Variants in PRKN observed in about 807,000 individuals in gnomAD.
PRKN encodes parkin RBR E3 ubiquitin protein ligase, also known as E3 ubiquitin-protein ligase parkin.
A neutral mutation model predicts 59.5 loss-of-function variants in PRKN; 56 were observed. The observed-to-expected ratio is 0.94, with a 90% CI of 0.76 to 1.18. The LOEUF (loss-of-function observed/expected upper bound fraction) is 1.18. PRKN is among the 50% of genes most tolerant of loss of function. The probability of loss-of-function intolerance (pLI) is 0.00; values close to 1 mark genes in which losing one functional copy is unlikely to be tolerated. For missense variants in PRKN, 657 were observed against 596.4 expected (o/e 1.10, Z -1.06); for synonymous variants, 250 against 222.1 (o/e 1.13, Z -1.12).
chr6:161,995,039 A>G (rs1781790862), intron 5 of PRKN, among the ~76,000 whole-genome samples: 1 of 152,198 alleles, frequency 6.6e-6, no homozygotes, highest in Non-Finnish European at 1.5e-5. Flanking sequence ...ATTTCAAAAT[A>G]TTCTGCAAAG....
intron 2 of PRKN, among the ~76,000 whole-genome samples, chr6:162,397,726 C>T (rs1241090755): frequency 6.6e-6 from 1 of 152,062 alleles, no homozygotes; most frequent in Admixed American, 6.6e-5. Context: ...GGCAGAAGAG[C>T]ACACTCGGCA....
chr6:162,726,799 A>C (rs1779226322), intron 1 of PRKN, among the ~76,000 whole-genome samples: 1 of 152,206 alleles, frequency 6.6e-6, no homozygotes, highest in Admixed American at 6.5e-5. Flanking sequence ...AGAAACCTCC[A>C]CAATAATGAA....
In PRKN at chr6:161,354,157, T is replaced by G. The variant is rs545549731; in HGVS notation, c.1286-3946A>C. ...GAGAAGATATTCACGTCATTAGCTTTCTTTTCTCCCTAGGGCTTAATATAC... is the reference window on the plus strand; with the variant it reads ...GAGAAGATATTCACGTCATTAGCTTGCTTTTCTCCCTAGGGCTTAATATAC... On this transcript the variant is annotated intron_variant, in intron 11 of 11. Coordinates refer to ENST00000366898, the MANE Select transcript of PRKN (RefSeq NM_004562.3). This position sits in a 1 kb window ranked among gnomAD's most constrained non-coding sequence, Gnocchi z 6.7. 2.6e-4 allele frequency among the ~76,000 whole-genome samples: 39 copies of G among 152,292 alleles called. No individual in the cohort carries two copies. Among genetic ancestry groups the G allele is most frequent in the African/African-American group, 8.7e-4 (36 of 41,566 alleles).
At chr6:162,674,591 A>G (rs546347800) in intron 1 of PRKN, among the ~76,000 whole-genome samples, 1 of 152,308 alleles carries the variant, frequency 6.6e-6, no homozygotes, top group East Asian at 1.9e-4. Context: ...CTGTGACAGA[A>G]AACAAAATGG....
rs183663974 is a variant in PRKN at position 162,020,680 on chromosome 6, T to C, written c.618+33411A>G. On this transcript the variant is annotated intron_variant, in intron 5 of 11. Transcript: ENST00000366898. ...TTGAAATTGGGGAGTTAACAGTTAA[T>C]ATGTAGTGGAATTCAGAAATTGATT... Among the ~76,000 whole-genome samples the C allele has an allele frequency of 1.8e-4, 28 of 152,310 alleles. No homozygotes were observed. The East Asian group carries it at 4.8e-3, about 26-fold the overall frequency.
chr6:162,057,729 C>T (rs185544062), intron 4 of PRKN, among the ~76,000 whole-genome samples: 20 of 152,230 alleles, frequency 1.3e-4, no homozygotes, highest in African/African-American at 2.4e-4. Flanking sequence ...ACACTGTGTA[C>T]GACGATTAGG....
Position 161,548,740 on chromosome 6 carries a change from A to T in PRKN, c.1083+114T>A. On this transcript the variant is annotated intron_variant, in intron 9 of 11. Coordinates refer to ENST00000366898, the MANE Select transcript of PRKN (RefSeq NM_004562.3). This position sits in a 1 kb window ranked among gnomAD's most constrained non-coding sequence, Gnocchi z 4.2. ...TCTATTTTCTTATATGTAAGTTCAAAGATGTCTAAGTCCAAAGGGAAAATG... is the reference window on the plus strand; with the variant it reads ...TCTATTTTCTTATATGTAAGTTCAATGATGTCTAAGTCCAAAGGGAAAATG... 1 of 960,394 alleles carries T rather than the reference A, an allele frequency of 1.0e-6. No homozygotes were observed. Among genetic ancestry groups the T allele is most frequent in the Non-Finnish European group, 1.6e-6 (1 of 620,764 alleles). 59.5% of individuals were successfully genotyped at this position (960,394 alleles called of 1,614,324 possible).
chr6:162,424,039 A>G (rs893972527), intron 2 of PRKN, among the ~76,000 whole-genome samples: 1 of 152,198 alleles, frequency 6.6e-6, no homozygotes, highest in African/African-American at 2.4e-5. Context: ...AAACTGTGGT[A>G]CATTCCATTC....
In PRKN at chr6:161,373,249, A is replaced by G. The variant is rs1264932684; in HGVS notation, c.1168-13044T>C. On this transcript the variant is annotated intron_variant, in intron 10 of 11. Coordinates refer to ENST00000366898, the MANE Select transcript of PRKN (RefSeq NM_004562.3). This position sits in a 1 kb window ranked among gnomAD's most constrained non-coding sequence, Gnocchi z 4.8. ...CTGAGTATAGATGTTAACCACGTCT[A>G]CAAAAATACCTTCACAGCGACACCT... Among the ~76,000 whole-genome samples the G allele has an allele frequency of 6.6e-6, 1 of 152,188 alleles. No homozygotes were observed. Among genetic ancestry groups the G allele is most frequent in the African/African-American group, 2.4e-5 (1 of 41,460 alleles).
chr6:161,814,535 T>C (rs1243056521), intron 6 of PRKN, among the ~76,000 whole-genome samples: 4 of 152,066 alleles, frequency 2.6e-5, no homozygotes, highest in Admixed American at 2.0e-4. Context: ...GGAGTTTCAC[T>C]CTTGTTGCCC....
chr6:162,515,698 A>C (rs1399677650), intron 1 of PRKN, among the ~76,000 whole-genome samples: 1 of 152,166 alleles, frequency 6.6e-6, no homozygotes, highest in South Asian at 2.1e-4. Context: ...TTTTTACTTG[A>C]ATCAGCTTTC....
chr6:161,375,802 A>G (rs1785672542), intron 10 of PRKN, among the ~76,000 whole-genome samples: 1 of 152,178 alleles, frequency 6.6e-6, no homozygotes, highest in South Asian at 2.1e-4. Flanking sequence ...AGCTTTTCAC[A>G]GCGCAAGGCC....
intron 3 of PRKN, among the ~76,000 whole-genome samples, chr6:162,260,579 T>C (rs1449769720): frequency 2.0e-5 from 3 of 152,118 alleles, no homozygotes; most frequent in Non-Finnish European, 4.4e-5. Flanking sequence ...CTAAGTTCAT[T>C]CTCATAAAAG....
chr6:161,766,815 C>A (rs1165798065), intron 7 of PRKN, among the ~76,000 whole-genome samples: 1 of 152,092 alleles, frequency 6.6e-6, no homozygotes, highest in Non-Finnish European at 1.5e-5. Flanking sequence ...ATCATAACAT[C>A]TTTGAGGTGG....
At chr6:161,602,890 G>C (rs979455614) in intron 7 of PRKN, among the ~76,000 whole-genome samples, 1 of 152,130 alleles carries the variant, frequency 6.6e-6, no homozygotes, top group African/African-American at 2.4e-5. Context: ...TTAGTTGAGG[G>C]GATACATAAA....
intron 3 of PRKN, among the ~76,000 whole-genome samples, chr6:162,253,388 C>T (rs1205121285): frequency 6.6e-6 from 1 of 152,070 alleles, no homozygotes; most frequent in Non-Finnish European, 1.5e-5. Flanking sequence ...CTGAAGATGT[C>T]CATATTTTAC....
intron 6 of PRKN, among the ~76,000 whole-genome samples, chr6:161,910,500 C>G (rs1240430387): frequency 6.6e-6 from 1 of 152,132 alleles, no homozygotes; most frequent in African/African-American, 2.4e-5. Context: ...GGTGACCCAC[C>G]CAGCTCAGCC....
intron 6 of PRKN, among the ~76,000 whole-genome samples, chr6:161,894,757 C>T (rs747380319): frequency 6.6e-6 from 1 of 152,186 alleles, no homozygotes; most frequent in Non-Finnish European, 1.5e-5. Flanking sequence ...CGCTTCTAGA[C>T]ACATTGTTGA....
chr6:162,164,774 C>G (rs1037625549), intron 4 of PRKN, among the ~76,000 whole-genome samples: 2 of 148,808 alleles, frequency 1.3e-5, no homozygotes, highest in Non-Finnish European at 3.0e-5. Context: ...TCTCACCAAG[C>G]TTAATCATCT....
Sources: gnomAD v4.1 joint callset for allele counts (sites outside exome capture counted in the v4.1 genomes callset) on GRCh38, gnomAD v4.1.1 for gene constraint, Gnocchi (gnomAD v3.1) non-coding constraint, MANE v1.5 for transcripts, NCBI Gene and HGNC (gene_info 2026-07-23, HGNC 2026-07-21) for gene names.